The following FEM1B variants were observed in gnomAD, a reference collection of about 807,000 sequenced individuals.
FEM1B encodes the protein fem-1 homolog B, also known as protein fem-1 homolog B.
In FEM1B, 10 loss-of-function variants were observed where a neutral mutation model predicts 38.6. That is an observed-to-expected ratio of 0.26 (90% CI 0.16 to 0.44). FEM1B has a LOEUF of 0.44. Among genes scored for constraint, FEM1B ranks in the 20% least tolerant of loss-of-function variants. The pLI is 1.00. For synonymous variants in FEM1B, 288 were observed against 288.0 expected (o/e 1.00, Z 0.00); for missense variants, 471 against 786.7 (o/e 0.60, Z 4.80).
chr15:68,283,348 C>T (rs1892748067), intron 1 of FEM1B, among the ~76,000 whole-genome samples: 1 of 151,580 alleles, frequency 6.6e-6, no homozygotes, highest in African/African-American at 2.4e-5. Flanking sequence ...ATTCCTGTTT[C>T]CTGGCATATA....
At position 68,291,669 on chromosome 15, in the gene FEM1B, A is replaced by T. The variant is rs1892849259; in HGVS notation, c.*427A>T. 6.1e-6 allele frequency: 1 copy of T among 163,440 alleles called. No individual in the cohort carries two copies. The highest frequency in any genetic ancestry group is 2.4e-5 in the African/African-American group (1 of 41,676). 10.1% of individuals were successfully genotyped at this position (163,440 alleles called of 1,614,324 possible). ...TGAAGAAAAAGAGCTAAAAAGGAACATTAAGAGGAATGGGATATCCAGGTG... is the reference window on the plus strand; with the variant it reads ...TGAAGAAAAAGAGCTAAAAAGGAACTTTAAGAGGAATGGGATATCCAGGTG... On this transcript the variant is annotated 3_prime_UTR_variant, in exon 2 of 2. Coordinates refer to ENST00000306917, the MANE Select transcript of FEM1B (RefSeq NM_015322.5). The surrounding 1 kb of genome is among the most constrained non-coding windows in gnomAD (Gnocchi z 6.9).
chr15:68,281,652 C>T lies in FEM1B; in HGVS notation c.248+2987C>T, dbSNP rs1349976503. ...TTTTTTTTTGAGACGGAGTCTCGCT[C>T]TGTCGCCGGGGCTGGAGTGCAGTGG... On this transcript the variant is annotated intron_variant, in intron 1 of 1. Coordinates refer to ENST00000306917, the MANE Select transcript of FEM1B (RefSeq NM_015322.5). This position sits in a 1 kb window ranked among gnomAD's most constrained non-coding sequence, Gnocchi z 5.1. Among the ~76,000 whole-genome samples, 11 of 152,064 alleles carry T rather than the reference C, an allele frequency of 7.2e-5. No individual in the cohort carries two copies. The East Asian group carries it at 1.7e-3, about 24-fold the overall frequency.
At position 68,289,843 on chromosome 15, in the gene FEM1B, C is replaced by A; in HGVS notation, c.485C>A (p.Ala162Glu). ...KYDNTCLMIAAYKGHTDVVRY... is the reference protein window; with the variant it reads ...KYDNTCLMIAEYKGHTDVVRY... Reference sequence around the variant, plus strand: ...GACAACACCTGCCTAATGATTGCGGCATATAAGGGACACACTGATGTGGTC... The same window carrying A: ...GACAACACCTGCCTAATGATTGCGGAATATAAGGGACACACTGATGTGGTC... The change falls in exon 2 of 2, where the codon GCA becomes GAA. Residue 162 changes from alanine (A) to glutamate (E), a missense_variant. By Grantham distance (107) the Ala-to-Glu change is moderately radical (BLOSUM62 -1). Around this residue, in one of 3 missense-constraint regions of FEM1B, gnomAD observed 380 missense variants for 599.6 expected, o/e 0.63. Transcript: ENST00000306917. This position sits in a 1 kb window ranked among gnomAD's most constrained non-coding sequence, Gnocchi z 6.9. 6.2e-7 allele frequency: 1 copy of A among 1,614,062 alleles called. No homozygotes were observed. The highest frequency in any genetic ancestry group is 1.1e-5 in the South Asian group (1 of 91,078).
At chr15:68,283,994 T>C (rs1466527012) in intron 1 of FEM1B, among the ~76,000 whole-genome samples, 1 of 151,996 alleles carries the variant, frequency 6.6e-6, no homozygotes, top group East Asian at 1.9e-4. Context: ...CAAGCAATTC[T>C]TCTGCCTCAG....
chr15:68,290,812 TCACCTTGCTG>T lies in FEM1B; in HGVS notation c.1457_1466del (p.Thr486IlefsTer37), dbSNP rs1165939392. ...CTTGATCCCAGAACTCGTGAAGGTT[TCACCTTGCTG>T]CATCTGGCTGTCAATTCCAATACTC... On this transcript the variant is annotated frameshift_variant, in exon 2 of 2. Transcript: ENST00000306917. LOFTEE classifies it high-confidence loss of function. The surrounding 1 kb of genome is among the most constrained non-coding windows in gnomAD (Gnocchi z 9.7). 1 of 1,614,048 alleles carries T rather than the reference TCACCTTGCTG, an allele frequency of 6.2e-7. No individual in the cohort carries two copies. Among genetic ancestry groups the T allele is most frequent in the Non-Finnish European group, 8.5e-7 (1 of 1,179,994 alleles).
rs1266200021 is a variant in FEM1B at position 68,295,780 on chromosome 15, A to G, written c.*4538A>G. On this transcript the variant is annotated 3_prime_UTR_variant, in exon 2 of 2. Coordinates refer to ENST00000306917, the MANE Select transcript of FEM1B (RefSeq NM_015322.5). Reference sequence around the variant, plus strand: ...AGTTTCATGGCAATTGACAGTCCTAATAACTCAGCTAATTTGAAACTAACA... The same window carrying G: ...AGTTTCATGGCAATTGACAGTCCTAGTAACTCAGCTAATTTGAAACTAACA... The G allele has an allele frequency of 1.3e-5, 2 of 152,192 alleles. No homozygotes were observed. The highest frequency in any genetic ancestry group is 2.9e-5 in the Non-Finnish European group (2 of 68,028). 9.4% of individuals were successfully genotyped at this position (152,192 alleles called of 1,614,324 possible).
At chr15:68,283,166 C>G (rs1892745952) in intron 1 of FEM1B, among the ~76,000 whole-genome samples, 3 of 152,036 alleles carry the variant, frequency 2.0e-5, no homozygotes, top group Non-Finnish European at 4.4e-5. Context: ...AATTTTTACT[C>G]TTACATCATA....
rs1319312534 is a variant in FEM1B at position 68,278,850 on chromosome 15, G to A, written c.248+185G>A. Among the ~76,000 whole-genome samples the A allele has an allele frequency of 2.0e-5, 3 of 151,884 alleles. No homozygotes were observed. On this transcript the variant is annotated intron_variant, in intron 1 of 1. Coordinates refer to ENST00000306917, the MANE Select transcript of FEM1B (RefSeq NM_015322.5). The surrounding 1 kb of genome is among the most constrained non-coding windows in gnomAD (Gnocchi z 5.7). ...GGGCTAATAATCCATCCCATGTTTT[G>A]CTGCCCGTCCTCATCAGCCCCTACC...
In FEM1B at chr15:68,289,488, C is replaced by A; in HGVS notation, c.249-119C>A. The A allele has an allele frequency of 1.5e-6, 1 of 680,590 alleles. No individual in the cohort carries two copies. Among genetic ancestry groups the A allele is most frequent in the Non-Finnish European group, 2.5e-6 (1 of 400,976 alleles). The allele number at this position is 680,590 out of a possible 1,614,324, so 42.2% of individuals were successfully genotyped here. A position where few individuals can be genotyped will look rare whatever the true frequency, so the allele number is the denominator to read the frequency against. On this transcript the variant is annotated intron_variant, in intron 1 of 1. Transcript: ENST00000306917. This position sits in a 1 kb window ranked among gnomAD's most constrained non-coding sequence, Gnocchi z 6.9. ...TTACCTGTTTTTATTTTCATGAGAA[C>A]TGATGTTTTATTAATGTTCTGGAGA...
At position 68,280,115 on chromosome 15, in the gene FEM1B, T is replaced by C. The variant is rs1361595906; in HGVS notation, c.248+1450T>C. The C allele has an allele frequency of 1.3e-5, 2 of 152,122 alleles. No individual in the cohort carries two copies. Among genetic ancestry groups the C allele is most frequent in the African/African-American group, 2.4e-5 (1 of 41,434 alleles). 9.4% of individuals were successfully genotyped at this position (152,122 alleles called of 1,614,324 possible). A position where few individuals can be genotyped will look rare whatever the true frequency, so the allele number is the denominator to read the frequency against. ...AGGCAATGTGCATAAGGGAGAATAG[T>C]GGGGAGAAAAAAGAGTTAAGAATTT... On this transcript the variant is annotated intron_variant, in intron 1 of 1. Transcript: ENST00000306917. This position sits in a 1 kb window ranked among gnomAD's most constrained non-coding sequence, Gnocchi z 4.2.
In FEM1B at chr15:68,290,560, C is replaced by T; in HGVS notation, c.1202C>T (p.Thr401Ile). The T allele has an allele frequency of 6.2e-7, 1 of 1,614,146 alleles. No individual in the cohort carries two copies. The highest frequency in any genetic ancestry group is 8.5e-7 in the Non-Finnish European group (1 of 1,180,000). The change falls in exon 2 of 2, where the codon ACT becomes ATT. Residue 401 changes from threonine to isoleucine, a missense_variant. Physicochemically the swap from Thr to Ile is moderately conservative, Grantham distance 89. Transcript: ENST00000306917. The surrounding 1 kb of genome is among the most constrained non-coding windows in gnomAD (Gnocchi z 9.7). ...TCACAAATGATACATTTGAATGAAA[C>T]TGTGAAGGCCCCAGACATAGAATGT... is the stretch of plus-strand genomic sequence containing the variant. ...VFSQMIHLNETVKAPDIECVL... is the reference protein window; with the variant it reads ...VFSQMIHLNEIVKAPDIECVL...
Position 68,289,409 on chromosome 15 carries a change from C to T in FEM1B, c.249-198C>T. The T allele has an allele frequency of 1.7e-6, 1 of 583,532 alleles. No homozygotes were observed. The highest frequency in any genetic ancestry group is 3.0e-6 in the Non-Finnish European group (1 of 328,202). 36.1% of individuals were successfully genotyped at this position (583,532 alleles called of 1,614,324 possible). ...CTCTAGTAGTAACAGTAATAGCTAG[C>T]ATATATTGAGCTTTATATTAGGTAC... On this transcript the variant is annotated intron_variant, in intron 1 of 1. Coordinates refer to ENST00000306917, the MANE Select transcript of FEM1B (RefSeq NM_015322.5). The surrounding 1 kb of genome is among the most constrained non-coding windows in gnomAD (Gnocchi z 6.9).
At position 68,289,829 on chromosome 15, in the gene FEM1B, C is replaced by T. The variant is rs1264773157; in HGVS notation, c.471C>T (p.Cys157=). Residue 157 remains cysteine (C), a synonymous_variant, in exon 2 of 2, where the codon TGC becomes TGT. Coordinates refer to ENST00000306917, the MANE Select transcript of FEM1B (RefSeq NM_015322.5). This position sits in a 1 kb window ranked among gnomAD's most constrained non-coding sequence, Gnocchi z 6.9. ...TTGCCAACAAATATGACAACACCTG[C>T]CTAATGATTGCGGCATATAAGGGAC... ...ISIANKYDNT[C]LMIAAYKGHT... The T allele has an allele frequency of 6.2e-7, 1 of 1,614,060 alleles. No individual in the cohort carries two copies.
In FEM1B at chr15:68,278,719, C is replaced by G; in HGVS notation, c.248+54C>G. 1 of 1,603,668 alleles carries G rather than the reference C, an allele frequency of 6.2e-7. No individual in the cohort carries two copies. The highest frequency in any genetic ancestry group is 1.7e-5 in the Admixed American group (1 of 59,780). On this transcript the variant is annotated intron_variant, in intron 1 of 1. Transcript: ENST00000306917. This position sits in a 1 kb window ranked among gnomAD's most constrained non-coding sequence, Gnocchi z 5.7. Reference sequence around the variant, plus strand: ...CGACGCGCGCGGACTCGTTAATTCACGGGCCCTCCCCTCCCTCACCCTCTC... The same window carrying G: ...CGACGCGCGCGGACTCGTTAATTCAGGGGCCCTCCCCTCCCTCACCCTCTC...
rs1018545404 is a variant in FEM1B, at chr15:68,278,989, G to C, written c.248+324G>C. Among the ~76,000 whole-genome samples, 3 of 152,042 alleles carry C rather than the reference G, an allele frequency of 2.0e-5. No individual in the cohort carries two copies. Among genetic ancestry groups the C allele is most frequent in the Admixed American group, 1.3e-4 (2 of 15,268 alleles). On this transcript the variant is annotated intron_variant, in intron 1 of 1. Transcript: ENST00000306917. This position sits in a 1 kb window ranked among gnomAD's most constrained non-coding sequence, Gnocchi z 5.7. ...TTTGGAGGAGGTGGCTGCCTTTCCA[G>C]GTTTTACTTTTAGTGGAACTGGTGA...
Position 68,290,003 on chromosome 15 carries a change from G to GA in FEM1B, c.647dup (p.Asn216LysfsTer16). On this transcript the variant is annotated frameshift_variant, in exon 2 of 2. Transcript: ENST00000306917. LOFTEE classifies it high-confidence loss of function. This position sits in a 1 kb window ranked among gnomAD's most constrained non-coding sequence, Gnocchi z 9.7. ...TAAAATGGCGTGCTGCTATAGTAGT[G>GA]AATGGCCATGGGATGACGCCATTGA... 1.2e-6 allele frequency: 2 copies of GA among 1,614,238 alleles called. No individual in the cohort carries two copies. The highest frequency in any genetic ancestry group is 1.7e-6 in the Non-Finnish European group (2 of 1,180,044).
chr15:68,278,522 G>A lies in FEM1B; in HGVS notation c.105G>A (p.Leu35=). 6.2e-7 allele frequency: 1 copy of A among 1,614,088 alleles called. No individual in the cohort carries two copies. Among genetic ancestry groups the A allele is most frequent in the Non-Finnish European group, 8.5e-7 (1 of 1,180,030 alleles). The part of the protein sequence containing the change: ...LNRSESDIRY[L]LGYVSQQGGQ... ...GGTCTGAAAGCGACATCCGCTATCT[G>A]CTTGGCTATGTCAGCCAGCAGGGAG... Residue 35 remains leucine, a synonymous_variant, in exon 1 of 2, where the codon CTG becomes CTA. Coordinates refer to ENST00000306917, the MANE Select transcript of FEM1B (RefSeq NM_015322.5). The surrounding 1 kb of genome is among the most constrained non-coding windows in gnomAD (Gnocchi z 5.7).
chr15:68,283,225 T>C (rs1185022532), intron 1 of FEM1B, among the ~76,000 whole-genome samples: 2 of 152,144 alleles, frequency 1.3e-5, no homozygotes, highest in African/African-American at 4.8e-5. Flanking sequence ...ACTTTTTGTC[T>C]CTTTTCATCT....
intron 1 of FEM1B, among the ~76,000 whole-genome samples, chr15:68,283,469 T>C (rs1390574909): frequency 7.9e-6 from 1 of 126,822 alleles, no homozygotes; most frequent in Non-Finnish European, 1.5e-5. Context: ...TTTGAGACCA[T>C]CCTGGGCAAC....
Sources: allele counts gnomAD v4.1 joint callset (sites outside exome capture counted in the v4.1 genomes callset), GRCh38; gene constraint gnomAD v4.1.1; regional missense constraint gnomAD v4.1.1; non-coding constraint Gnocchi (gnomAD v3.1); transcripts MANE v1.5; gene names NCBI Gene and HGNC (gene_info 2026-07-23, HGNC 2026-07-21).